The following HAO1 variants were observed in gnomAD, a reference collection of about 807,000 sequenced individuals.
The protein encoded by HAO1 is hydroxyacid oxidase 1.
HAO1 carries 34 observed loss-of-function variants against 39.7 expected under a neutral mutation model. The observed-to-expected ratio is 0.86, with a 90% CI of 0.65 to 1.14. The LOEUF (loss-of-function observed/expected upper bound fraction) is 1.14. Ranked by LOEUF, HAO1 falls within the 50% of genes most tolerant of loss-of-function variation. HAO1 has a pLI of 0.00. For missense variants in HAO1, 479 were observed against 464.5 expected, an observed-to-expected ratio of 1.03 and a Z score of -0.29; for synonymous variants, 172 against 173.2, an observed-to-expected ratio of 0.99 and a Z score of 0.05.
chr20:7,940,153 G>T, intron 1 of HAO1, 133 bp downstream of exon 1: 1 of 625,236 alleles, frequency 1.6e-6, no homozygotes, highest in Non-Finnish European at 2.5e-6. Context: ...ACAGCCCCAA[G>T]AACTTTTCCC....
chr20:7,903,465 G>A (rs1403072837), intron 4 of HAO1, among the ~76,000 whole-genome samples: 1 of 152,082 alleles, frequency 6.6e-6, no homozygotes, highest in Admixed American at 6.5e-5. Context: ...GATGGTGGTA[G>A]TGGTGGTCAT....
chr20:7,934,351 G>A (rs943067059), intron 2 of HAO1, 133 bp downstream of exon 2: 9 of 585,488 alleles, frequency 1.5e-5, no homozygotes, highest in South Asian at 5.7e-5. Flanking sequence ...CAAGTATTTT[G>A]ATGATAGAGT....
rs771553301 is a variant in HAO1 at position 7,934,584 on chromosome 20, C to T, written c.189G>A (p.Ser63=). Residue 63 remains serine (S), a synonymous_variant, in exon 2 of 8, where the codon TCG becomes TCA. Coordinates refer to ENST00000378789, the MANE Select transcript of HAO1 (RefSeq NM_017545.3). ...MLRNVAETDL[S]TSVLGQRVSM... ...TGACCCTCTGTCCTAAAACAGAAGT[C>T]GACAGATCTGTTTCAGCAACATTCC... is the stretch of plus-strand genomic sequence containing the variant. 2.2e-5 allele frequency: 36 copies of T among 1,609,006 alleles called. No individual in the cohort carries two copies. Among genetic ancestry groups the T allele is most frequent in the African/African-American group, 2.7e-5 (2 of 74,710 alleles).
Position 7,883,437 on chromosome 20 carries a change from A to G in HAO1, c.*156T>C, listed in dbSNP as rs1258723535. On this transcript the variant is annotated 3_prime_UTR_variant, in exon 8 of 8. Coordinates refer to ENST00000378789, the MANE Select transcript of HAO1 (RefSeq NM_017545.3). ...GACACCCATTGAAAAGTCAAAAGCA[A>G]TGAAATAAAAGGGATTGCTATTTTG... 1 of 628,652 alleles carries G rather than the reference A, an allele frequency of 1.6e-6. No individual in the cohort carries two copies. Among genetic ancestry groups the G allele is most frequent in the Non-Finnish European group, 2.9e-6 (1 of 350,488 alleles). 38.9% of individuals were successfully genotyped at this position (628,652 alleles called of 1,614,324 possible). A position where few individuals can be genotyped will look rare whatever the true frequency, so the allele number is the denominator to read the frequency against.
chr20:7,883,539 T>C lies in HAO1; in HGVS notation c.*54A>G. On this transcript the variant is annotated 3_prime_UTR_variant, in exon 8 of 8. Transcript: ENST00000378789. ...TCACCCTCTGCACAGTGTCTCTTTGTCAAGTAATACATGCTGAAAAAAAAT... is the reference window on the plus strand; with the variant it reads ...TCACCCTCTGCACAGTGTCTCTTTGCCAAGTAATACATGCTGAAAAAAAAT... 1 of 1,310,366 alleles carries C rather than the reference T, an allele frequency of 7.6e-7. No homozygotes were observed. The highest frequency in any genetic ancestry group is 1.1e-6 in the Non-Finnish European group (1 of 902,664). 81.2% of individuals were successfully genotyped at this position (1,310,366 alleles called of 1,614,324 possible).
chr20:7,903,690 A>G (rs1315067756), intron 4 of HAO1, among the ~76,000 whole-genome samples: 3 of 140,672 alleles, frequency 2.1e-5, no homozygotes, highest in Non-Finnish European at 4.6e-5. Flanking sequence ...TGTTCCTGGT[A>G]ATGGTGGTGT....
chr20:7,896,093 C>T (rs2050196370), intron 4 of HAO1, among the ~76,000 whole-genome samples: 1 of 151,634 alleles, frequency 6.6e-6, no homozygotes, highest in Non-Finnish European at 1.5e-5. Flanking sequence ...AATTAAAATT[C>T]TATGCTACAT....
In HAO1 at chr20:7,940,365, G is replaced by C; in HGVS notation, c.58C>G (p.Pro20Ala). ...CTGTAATAGTCATATATAGACTTTG[G>C]AAGTACTGATTTAGCATGTTGTTCA... ...DYEQHAKSVL[P>A]KSIYDYYRSG... is the part of the protein sequence containing the mutation. Residue 20 changes from proline to alanine, a missense_variant, in exon 1 of 8, where the codon CCA (proline) becomes GCA (alanine). Transcript: ENST00000378789. The C allele has an allele frequency of 6.2e-7, 1 of 1,612,312 alleles. No homozygotes were observed. Among genetic ancestry groups the C allele is most frequent in the East Asian group, 2.2e-5 (1 of 44,814 alleles).
At chr20:7,894,494 T>C (rs540831119) in intron 5 of HAO1, among the ~76,000 whole-genome samples, 1 of 152,140 alleles carries the variant, frequency 6.6e-6, no homozygotes, top group South Asian at 2.1e-4. Context: ...TTCTGATAAA[T>C]AGACCTGGGG....
intron 4 of HAO1, among the ~76,000 whole-genome samples, chr20:7,901,088 G>A (rs1950737305): frequency 6.6e-6 from 1 of 152,178 alleles, no homozygotes; most frequent in South Asian, 2.1e-4. Context: ...GCTGAGAGAG[G>A]TGAGGAAGCT....
intron 3 of HAO1, among the ~76,000 whole-genome samples, 179 bp downstream of exon 3, chr20:7,913,985 A>G (rs1276168270): frequency 6.6e-6 from 1 of 152,154 alleles, no homozygotes; most frequent in Non-Finnish European, 1.5e-5. Context: ...TTGGACTTTT[A>G]TAGAGGCCAT....
chr20:7,886,537 C>T (rs1025233104), intron 5 of HAO1, among the ~76,000 whole-genome samples: 1 of 152,150 alleles, frequency 6.6e-6, no homozygotes, highest in African/African-American at 2.4e-5. Flanking sequence ...AATTCATACT[C>T]AGATAATAGT....
In HAO1 at chr20:7,883,679, A is replaced by G; in HGVS notation, c.1043-16T>C. The G allele has an allele frequency of 6.5e-7, 1 of 1,530,976 alleles. No individual in the cohort carries two copies. Among genetic ancestry groups the G allele is most frequent in the South Asian group, 1.1e-5 (1 of 89,372 alleles). 94.8% of individuals were successfully genotyped at this position (1,530,976 alleles called of 1,614,324 possible). A position where few individuals can be genotyped will look rare whatever the true frequency, so the allele number is the denominator to read the frequency against. On this transcript the variant is annotated splice_polypyrimidine_tract_variant and intron_variant, in intron 7 of 7. Transcript: ENST00000378789. ...TTCTGGCACCCTGAAAAAATAATGCATACATTTAATATGAACTGAATGCAA... is the reference window on the plus strand; with the variant it reads ...TTCTGGCACCCTGAAAAAATAATGCGTACATTTAATATGAACTGAATGCAA...
chr20:7,909,109 A>G lies in HAO1; in HGVS notation c.546-2780T>C, dbSNP rs1270323269. On this transcript the variant is annotated intron_variant, in intron 3 of 7. Coordinates refer to ENST00000378789, the MANE Select transcript of HAO1 (RefSeq NM_017545.3). ...AAGGGTGAAATGGATAGGAAAAAACAGAAACGTGGATAAAATTATATAAAT... is the reference window on the plus strand; with the variant it reads ...AAGGGTGAAATGGATAGGAAAAAACGGAAACGTGGATAAAATTATATAAAT... Among the ~76,000 whole-genome samples the G allele has an allele frequency of 3.3e-5, 5 of 151,960 alleles. No homozygotes were observed. The East Asian group carries it at 9.7e-4, about 29-fold the overall frequency.
At chr20:7,894,450 T>C (rs1359532698) in intron 5 of HAO1, among the ~76,000 whole-genome samples, 1 of 152,150 alleles carries the variant, frequency 6.6e-6, no homozygotes. Context: ...AAAAAAATAC[T>C]AGTGCCTATA....
At chr20:7,909,387 A>G (rs868605050) in intron 3 of HAO1, among the ~76,000 whole-genome samples, 2,042 of 136,592 alleles carry the variant, frequency 0.015, 94 homozygotes, top group African/African-American at 0.054. Flanking sequence ...ATGTATATAT[A>G]TATATATATA....
At chr20:7,936,394 T>G (rs1316051833) in intron 1 of HAO1, among the ~76,000 whole-genome samples, 2 of 152,118 alleles carry the variant, frequency 1.3e-5, no homozygotes, top group Non-Finnish European at 2.9e-5. Context: ...AAAACGATCT[T>G]AATAGCAGCC....
At chr20:7,937,817 C>T (rs558968947) in intron 1 of HAO1, among the ~76,000 whole-genome samples, 19 of 152,160 alleles carry the variant, frequency 1.2e-4, no homozygotes, top group African/African-American at 4.3e-4. Flanking sequence ...TTATAACCAC[C>T]GTAAGAAATT....
chr20:7,891,920 G>C (rs1466840899), intron 5 of HAO1, among the ~76,000 whole-genome samples: 1 of 152,070 alleles, frequency 6.6e-6, no homozygotes, highest in Non-Finnish European at 1.5e-5. Context: ...AAAAAGCTTT[G>C]TGCTGTGACC....
Sources: gnomAD v4.1 joint callset for allele counts (sites outside exome capture counted in the v4.1 genomes callset) on GRCh38, gnomAD v4.1.1 for gene constraint, MANE v1.5 for transcripts, NCBI Gene and HGNC (gene_info 2026-07-23, HGNC 2026-07-21) for gene names.